Variants in CARS2 observed in about 807,000 individuals in gnomAD.
CARS2 encodes cysteinyl-tRNA synthetase 2, mitochondrial.
CARS2 carries 52 observed loss-of-function variants against 68.8 expected under a neutral mutation model. That is an observed-to-expected ratio of 0.76 (90% CI 0.61 to 0.95). CARS2 has a LOEUF of 0.95. Among genes scored for constraint, CARS2 ranks in the 40% least tolerant of loss-of-function variants. The probability of loss-of-function intolerance (pLI) is 0.00; values close to 1 mark genes in which losing one functional copy is unlikely to be tolerated. For missense variants in CARS2, 780 were observed against 754.2 expected, an observed-to-expected ratio of 1.03 and a Z score of -0.40; for synonymous variants, 314 against 303.6, an observed-to-expected ratio of 1.03 and a Z score of -0.36.
intron 11 of CARS2, 141 bp downstream of exon 11, chr13:110,646,960 C>T: frequency 9.8e-7 from 1 of 1,021,370 alleles, no homozygotes; most frequent in Non-Finnish European, 1.4e-6. Flanking sequence ...CTCCTGGGGC[C>T]TCTCTGGGCA....
Position 110,701,542 on chromosome 13 carries a change from A to G in CARS2, c.289T>C (p.Phe97Leu). ...HLGHACSYVR[F>L]DIIRRILTKV... The stretch of plus-strand genomic sequence containing the variant: ...GTTAGGATCCTTCGAATGATATCAA[A>G]TCTAACATATGAGCTGAAAGAAAAA... The change falls in exon 3 of 15, where the codon TTT (phenylalanine) becomes CTT (leucine). Residue 97 changes from phenylalanine (F) to leucine (L), a missense_variant. Transcript: ENST00000257347. 1 of 1,499,384 alleles carries G rather than the reference A, an allele frequency of 6.7e-7. No individual in the cohort carries two copies. The allele number at this position is 1,499,384 out of a possible 1,614,324, so 92.9% of individuals were successfully genotyped here. A position where few individuals can be genotyped will look rare whatever the true frequency, so the allele number is the denominator to read the frequency against.
intron 6 of CARS2, among the ~76,000 whole-genome samples, chr13:110,679,939 G>A (rs1430243027): frequency 6.6e-6 from 1 of 152,160 alleles, no homozygotes. Flanking sequence ...TCTCAGCAAC[G>A]GAAGAACATG....
At chr13:110,642,735 G>C in intron 13 of CARS2, 1 of 753,610 alleles carries the variant, frequency 1.3e-6, no homozygotes, top group Non-Finnish European at 2.4e-6. Context: ...AGCATCTGTC[G>C]TCCAAGCAAG....
intron 7 of CARS2, among the ~76,000 whole-genome samples, chr13:110,671,233 G>A (rs997948677): frequency 7.2e-5 from 11 of 152,022 alleles, no homozygotes; most frequent in African/African-American, 2.4e-4. Flanking sequence ...GATACTCCTC[G>A]AGAAGAGCAA....
chr13:110,663,665 C>A, intron 8 of CARS2, 147 bp from the exon 9 acceptor site: 1 of 1,416,830 alleles, frequency 7.1e-7, no homozygotes, highest in South Asian at 1.6e-5. Context: ...GCCCCCAAAT[C>A]TTCACCCGTG....
Position 110,692,471 on chromosome 13 carries a change from C to CA in CARS2, c.394-4454dup, listed in dbSNP as rs995094786. On this transcript the variant is annotated intron_variant, in intron 3 of 14. Coordinates refer to ENST00000257347, the MANE Select transcript of CARS2 (RefSeq NM_024537.4). Reference sequence around the variant, plus strand: ...GGACATCAAGAGCAAAACTCCGTCTCAAAAAAAAAAATTAATAAATAAAAG... The same window carrying CA: ...GGACATCAAGAGCAAAACTCCGTCTCAAAAAAAAAAAATTAATAAATAAAAG... Among the ~76,000 whole-genome samples, 547 of 132,468 alleles carry CA rather than the reference C, an allele frequency of 4.1e-3. 5 individuals carry two copies. The highest frequency in any genetic ancestry group is 0.014 in the African/African-American group (503 of 35,530). 86.9% of individuals were successfully genotyped at this position (132,468 alleles called of 152,430 possible).
chr13:110,662,885 G>A (rs981473935), intron 9 of CARS2: 2 of 386,102 alleles, frequency 5.2e-6, no homozygotes, highest in Non-Finnish European at 1.0e-5. Context: ...ATTAAATCTG[G>A]CTTTAAAGAC....
chr13:110,679,451 G>A (rs1414909773), intron 6 of CARS2, among the ~76,000 whole-genome samples: 3 of 151,256 alleles, frequency 2.0e-5, no homozygotes, highest in African/African-American at 7.3e-5. Context: ...AATCGCTTGA[G>A]CTCGGGAGGC....
chr13:110,706,734 A>G (rs1179811302), upstream of CARS2, among the ~76,000 whole-genome samples: 1 of 150,480 alleles, frequency 6.6e-6, no homozygotes, highest in Non-Finnish European at 1.5e-5. Flanking sequence ...GCACCCCAAG[A>G]AGTGTGCACC....
intron 3 of CARS2, among the ~76,000 whole-genome samples, chr13:110,688,240 C>T (rs1007050542): frequency 6.6e-6 from 1 of 151,208 alleles, no homozygotes; most frequent in African/African-American, 2.5e-5. Context: ...GCTTATTGAC[C>T]TTGTCTTCTG....
chr13:110,646,893 C>G (rs1340797006), intron 11 of CARS2: 3 of 552,362 alleles, frequency 5.4e-6, no homozygotes, highest in African/African-American at 3.8e-5. Flanking sequence ...TCCCAGTCCC[C>G]TGTGGCCTCT....
At chr13:110,699,058 T>C (rs2063708268) in intron 3 of CARS2, among the ~76,000 whole-genome samples, 2 of 152,018 alleles carry the variant, frequency 1.3e-5, no homozygotes, top group South Asian at 4.2e-4. Context: ...GGCAGGGGGC[T>C]TTTGGCAGGG....
At chr13:110,689,038 T>C (rs1418250825) in intron 3 of CARS2, 1 of 154,230 alleles carries the variant, frequency 6.5e-6, no homozygotes, top group Non-Finnish European at 1.5e-5. Flanking sequence ...TTTCTGGAGA[T>C]AGACCATCAA....
In CARS2 at chr13:110,647,106, C is replaced by G; in HGVS notation, c.1188G>C (p.Trp396Cys). 6.3e-7 allele frequency: 1 copy of G among 1,585,176 alleles called. No individual in the cohort carries two copies. Among genetic ancestry groups the G allele is most frequent in the East Asian group, 2.3e-5 (1 of 43,612 alleles). Residue 396 changes from tryptophan to cysteine, a missense_variant, in exon 11 of 15, where the codon TGG becomes TGC. Coordinates refer to ENST00000257347, the MANE Select transcript of CARS2 (RefSeq NM_024537.4). The stretch of plus-strand genomic sequence containing the variant: ...GTGCTAGGCGGGCCTCTTACCTCTC[C>G]CACAGCATCGCTTCCCTGACGGAGC... ...ACGSVREAML[W>C]ERLSSTKRAV...
intron 8 of CARS2, chr13:110,666,223 C>T (rs1173874106): frequency 1.0e-6 from 1 of 985,294 alleles, no homozygotes; most frequent in Admixed American, 6.1e-5. Flanking sequence ...ACCCCCTTCC[C>T]ATGTGAGCGC....
intron 8 of CARS2, among the ~76,000 whole-genome samples, 163 bp downstream of exon 8, chr13:110,667,177 G>A (rs1472516105): frequency 2.0e-5 from 3 of 152,202 alleles, no homozygotes; most frequent in Non-Finnish European, 2.9e-5. Context: ...ATCCAAGGAA[G>A]CTCATGTTCA....
At chr13:110,683,195 A>G (rs2063206763) in intron 5 of CARS2, 61 bp from the exon 6 acceptor site, 1 of 1,117,996 alleles carries the variant, frequency 8.9e-7, no homozygotes. Context: ...CATATTGACA[A>G]CCTTAACATC....
At chr13:110,647,618 C>T (rs773871577) in intron 10 of CARS2, among the ~76,000 whole-genome samples, 26 of 105,254 alleles carry the variant, frequency 2.5e-4, no homozygotes, top group East Asian at 5.8e-4. Flanking sequence ...GAGGGAGCCC[C>T]GCCCTGGGGT....
chr13:110,673,416 A>T (rs2062857561), intron 7 of CARS2, among the ~76,000 whole-genome samples: 1 of 152,220 alleles, frequency 6.6e-6, no homozygotes. Flanking sequence ...ACATACACAA[A>T]TCAATAAACG....
Sources: allele counts gnomAD v4.1 joint callset (sites outside exome capture counted in the v4.1 genomes callset), GRCh38; gene constraint gnomAD v4.1.1; transcripts MANE v1.5; gene names NCBI Gene and HGNC (gene_info 2026-07-23, HGNC 2026-07-21).